Variants in CEP128 observed in about 807,000 individuals in gnomAD.
CEP128 encodes the protein centrosomal protein 128.
Under a neutral mutation model 156.7 loss-of-function variants are expected in CEP128, and 132 were observed. That is an observed-to-expected ratio of 0.84 (90% CI 0.73 to 0.97). CEP128 has a LOEUF of 0.97. CEP128 is among the 50% of genes least tolerant of loss of function. The pLI, the probability that CEP128 is intolerant of heterozygous loss-of-function variation, is 0.00. For missense variants in CEP128, 1,252 were observed against 1,281.9 expected, an observed-to-expected ratio of 0.98 and a Z score of 0.36; for synonymous variants, 469 against 448.9, an observed-to-expected ratio of 1.04 and a Z score of -0.57.
upstream of CEP128, among the ~76,000 whole-genome samples, chr14:80,944,894 A>G (rs553629781): frequency 4.8e-5 from 7 of 144,724 alleles, no homozygotes; most frequent in Non-Finnish European, 1.1e-4. Context: ...AAAAAAAACC[A>G]CTTTCCTTTA....
chr14:80,650,511 T>C (rs780097219), intron 19 of CEP128, among the ~76,000 whole-genome samples: 1 of 152,200 alleles, frequency 6.6e-6, no homozygotes, highest in Non-Finnish European at 1.5e-5. Flanking sequence ...TCAAAGGAAA[T>C]GCTTCCAGTT....
At chr14:80,656,739 A>G (rs1196064839) in intron 19 of CEP128, among the ~76,000 whole-genome samples, 1 of 152,104 alleles carries the variant, frequency 6.6e-6, no homozygotes, top group Admixed American at 6.6e-5. Flanking sequence ...AACAGAATCA[A>G]TATTTTTGAT....
At chr14:80,781,447 C>T (rs1246540218) in intron 15 of CEP128, among the ~76,000 whole-genome samples, 1 of 128,526 alleles carries the variant, frequency 7.8e-6, no homozygotes, top group Non-Finnish European at 1.6e-5. Context: ...CAGAGCGAGA[C>T]TCCGTCTCAA....
At chr14:80,642,171 T>G (rs1894443780) in intron 19 of CEP128, among the ~76,000 whole-genome samples, 1 of 151,824 alleles carries the variant, frequency 6.6e-6, no homozygotes, top group Non-Finnish European at 1.5e-5. Flanking sequence ...TACAGACATT[T>G]CAGCAGTAGT....
rs77060986 is a variant in CEP128, at chr14:80,618,438, G to A, written c.2807-38015C>T. On this transcript the variant is annotated intron_variant, in intron 19 of 24. Transcript: ENST00000555265. ...CTGGCAAGAAGATGGCTCTAGCTAC[G>A]CTAGAAGCCTTCTTACAGTATACGT... Among the ~76,000 whole-genome samples the A allele has an allele frequency of 7.6e-4, 116 of 152,332 alleles. 1 individual carries two copies. The East Asian group carries it at 0.015, about 20-fold the overall frequency.
intron 9 of CEP128, among the ~76,000 whole-genome samples, chr14:80,854,226 C>T (rs1887035326): frequency 6.6e-6 from 1 of 152,058 alleles, no homozygotes; most frequent in Non-Finnish European, 1.5e-5. Flanking sequence ...GAAAGAGCTA[C>T]ACTCAACCAT....
downstream of CEP128, among the ~76,000 whole-genome samples, chr14:80,487,875 C>G (rs1032659843): frequency 2.3e-4 from 35 of 152,052 alleles, no homozygotes; most frequent in African/African-American, 7.2e-4. Flanking sequence ...ACATTCAAAG[C>G]AGTGTGTAGA....
At chr14:80,656,765 C>T (rs1395144338) in intron 19 of CEP128, among the ~76,000 whole-genome samples, 2 of 151,994 alleles carry the variant, frequency 1.3e-5, no homozygotes, top group Non-Finnish European at 2.9e-5. Flanking sequence ...ACTAAATTTC[C>T]CTCCTCTGGT....
intron 20 of CEP128, among the ~76,000 whole-genome samples, chr14:80,577,093 T>C (rs1418947985): frequency 6.6e-6 from 1 of 152,200 alleles, no homozygotes; most frequent in Non-Finnish European, 1.5e-5. Flanking sequence ...TTCATAACAC[T>C]ATATGTTCCT....
At chr14:80,649,003 G>A (rs1595148872) in intron 19 of CEP128, among the ~76,000 whole-genome samples, 1 of 152,044 alleles carries the variant, frequency 6.6e-6, no homozygotes, top group South Asian at 2.1e-4. Context: ...AAGGTGCCGA[G>A]GTAATCTAAC....
At chr14:80,912,955 G>A (rs1370603209) in intron 4 of CEP128, among the ~76,000 whole-genome samples, 1 of 152,100 alleles carries the variant, frequency 6.6e-6, no homozygotes, top group East Asian at 1.9e-4. Context: ...GAAGGAATAA[G>A]TTTAATTGGT....
chr14:80,869,626 G>GA (rs377131986), intron 8 of CEP128, among the ~76,000 whole-genome samples: 37 of 151,998 alleles, frequency 2.4e-4, no homozygotes, highest in African/African-American at 7.5e-4. Context: ...AAATAGACTA[G>GA]AAAAACAATA....
chr14:80,540,200 C>CG (rs1402902174), intron 21 of CEP128, among the ~76,000 whole-genome samples: 2 of 148,572 alleles, frequency 1.3e-5, no homozygotes, highest in Non-Finnish European at 3.0e-5. Flanking sequence ...TTCTTACACC[C>CG]CCCCCCCTTT....
intron 2 of CEP128, among the ~76,000 whole-genome samples, chr14:80,938,892 T>C (rs766202929): frequency 3.3e-5 from 5 of 152,214 alleles, no homozygotes; most frequent in Non-Finnish European, 7.3e-5. Flanking sequence ...ATGTTAAGTG[T>C]GAATCAAATT....
chr14:80,552,252 T>C (rs1890239417), intron 21 of CEP128, among the ~76,000 whole-genome samples: 1 of 151,246 alleles, frequency 6.6e-6, no homozygotes, highest in African/African-American at 2.4e-5. Context: ...GAGGTTGCAG[T>C]GAGCTGAGAT....
chr14:80,819,001 T>A lies in CEP128; in HGVS notation c.1209+12142A>T, dbSNP rs150485486. Among the ~76,000 whole-genome samples, 664 of 152,250 alleles carry A rather than the reference T, an allele frequency of 4.4e-3. 6 individuals carry two copies. Among genetic ancestry groups the A allele is most frequent in the African/African-American group, 0.015 (631 of 41,542 alleles). Reference sequence around the variant, plus strand: ...AGTTCCCACTGTCCTAATCCTAATTTCAAGTCTCACTATGATTATGCCTGT... The same window carrying A: ...AGTTCCCACTGTCCTAATCCTAATTACAAGTCTCACTATGATTATGCCTGT... On this transcript the variant is annotated intron_variant, in intron 13 of 24. Coordinates refer to ENST00000555265, the MANE Select transcript of CEP128 (RefSeq NM_152446.5).
chr14:80,784,383 G>C (rs1402024838), intron 15 of CEP128, among the ~76,000 whole-genome samples: 1 of 151,450 alleles, frequency 6.6e-6, no homozygotes, highest in Admixed American at 6.6e-5. Flanking sequence ...AACAACATTA[G>C]ACCTTAGAAA....
At chr14:80,754,538 C>A (rs1269645996) in intron 18 of CEP128, among the ~76,000 whole-genome samples, 2 of 144,424 alleles carry the variant, frequency 1.4e-5, no homozygotes, top group African/African-American at 5.5e-5. Flanking sequence ...TCTTGGCTCA[C>A]TGCAACCTCT....
At chr14:80,558,540 G>A (rs1484059580) in intron 21 of CEP128, among the ~76,000 whole-genome samples, 5 of 151,748 alleles carry the variant, frequency 3.3e-5, no homozygotes, top group African/African-American at 7.3e-5. Context: ...CACCCGCCTC[G>A]GCCTCCCAAA....
Sources: allele counts gnomAD v4.1 joint callset (sites outside exome capture counted in the v4.1 genomes callset), GRCh38; gene constraint gnomAD v4.1.1; transcripts MANE v1.5; gene names NCBI Gene and HGNC (gene_info 2026-07-23, HGNC 2026-07-21).